The following DTNA variants were observed in gnomAD, a reference collection of about 807,000 sequenced individuals.
The protein encoded by DTNA is dystrophin-related protein 3.
A neutral mutation model predicts 100.7 loss-of-function variants in DTNA; 43 were observed. That is an observed-to-expected ratio of 0.43 (90% CI 0.33 to 0.55). The LOEUF (loss-of-function observed/expected upper bound fraction) is 0.55, where lower values mean the gene tolerates loss of function less well. Ranked by LOEUF, DTNA falls within the 20% of genes least tolerant of loss-of-function variation. The pLI, the probability that DTNA is intolerant of heterozygous loss-of-function variation, is 0.04. For synonymous variants in DTNA, 349 were observed against 347.9 expected, an observed-to-expected ratio of 1.00 and a Z score of -0.04; for missense variants, 798 against 953.9, an observed-to-expected ratio of 0.84 and a Z score of 2.15.
rs376851710 is a variant in DTNA, at chr18:34,879,625, C to T, written c.2068C>T (p.Pro690Ser). ...TCAGTTTGAGGATCTTGTTCCCTCA[C>T]CAACCTCTGAAAAGGCTTTTCTAGC... is the stretch of plus-strand genomic sequence containing the variant. ...RTQFEDLVPS[P>S]TSEKAFLAQI... Residue 690 changes from proline (P) to serine (S), a missense_variant, in exon 20 of 23, where the codon CCA (proline) becomes TCA (serine). Physicochemically the swap from Pro to Ser is moderately conservative, Grantham distance 74. Coordinates refer to ENST00000444659, the MANE Select transcript of DTNA (RefSeq NM_001386795.1). The T allele has an allele frequency of 2.5e-6, 4 of 1,613,940 alleles. No individual in the cohort carries two copies. The highest frequency in any genetic ancestry group is 1.6e-4 in the Middle Eastern group (1 of 6,084).
At chr18:34,514,273 G>A (rs1002592967) in intron 1 of DTNA, among the ~76,000 whole-genome samples, 2 of 152,040 alleles carry the variant, frequency 1.3e-5, no homozygotes, top group African/African-American at 2.4e-5. Flanking sequence ...AGTAGTTCAA[G>A]CTTTTAGCAT....
intron 1 of DTNA, among the ~76,000 whole-genome samples, chr18:34,627,084 G>C (rs915425190): frequency 6.6e-6 from 1 of 150,728 alleles, no homozygotes; most frequent in Non-Finnish European, 1.5e-5. Context: ...ATCACCACTA[G>C]AAGAAAAGAA....
intron 1 of DTNA, among the ~76,000 whole-genome samples, chr18:34,743,877 A>C (rs1026123807): frequency 6.6e-6 from 1 of 152,048 alleles, no homozygotes; most frequent in African/African-American, 2.4e-5. Flanking sequence ...TCATATTGGC[A>C]TCCTCCCACC....
At chr18:34,577,526 G>A (rs989265060) in intron 1 of DTNA, among the ~76,000 whole-genome samples, 1 of 152,118 alleles carries the variant, frequency 6.6e-6, no homozygotes, top group Admixed American at 6.5e-5. Flanking sequence ...GTAGTGATTT[G>A]TGAGATTTTG....
At chr18:34,555,471 G>A (rs1039327535) in intron 1 of DTNA, among the ~76,000 whole-genome samples, 12 of 151,866 alleles carry the variant, frequency 7.9e-5, no homozygotes, top group Non-Finnish European at 1.6e-4. Context: ...TGATGTTAGG[G>A]TGTCAATTTT....
At chr18:34,732,393 C>T (rs568816649) in intron 1 of DTNA, among the ~76,000 whole-genome samples, 19 of 152,322 alleles carry the variant, frequency 1.2e-4, no homozygotes, top group Admixed American at 3.9e-4. Context: ...GCCAAGACAG[C>T]GTGATCCAAA....
chr18:34,545,313 C>A (rs1176697875), intron 1 of DTNA, among the ~76,000 whole-genome samples: 11 of 152,038 alleles, frequency 7.2e-5, no homozygotes, highest in Non-Finnish European at 1.3e-4. Flanking sequence ...AAGGGAGGAA[C>A]CTCTGCTGGG....
chr18:34,808,499 A>AG (rs2095418308), intron 5 of DTNA, among the ~76,000 whole-genome samples: 3 of 152,246 alleles, frequency 2.0e-5, no homozygotes, highest in Admixed American at 6.5e-5. Context: ...TGTGCTCAGA[A>AG]GGGCCATCCC....
intron 3 of DTNA, among the ~76,000 whole-genome samples, chr18:34,783,635 A>T (rs1232704162): frequency 6.6e-6 from 1 of 152,226 alleles, no homozygotes; most frequent in Non-Finnish European, 1.5e-5. Context: ...GGTATAGCTC[A>T]TGCTCACTAA....
At chr18:34,654,028 G>T (rs1204280493) in intron 1 of DTNA, among the ~76,000 whole-genome samples, 1 of 152,182 alleles carries the variant, frequency 6.6e-6, no homozygotes, top group East Asian at 1.9e-4. Context: ...CCAACATTCA[G>T]AGTGTTCCTA....
chr18:34,704,072 A>T (rs1188279707), intron 1 of DTNA, among the ~76,000 whole-genome samples: 2 of 151,872 alleles, frequency 1.3e-5, no homozygotes, highest in African/African-American at 4.8e-5. Context: ...TTATTTTCTC[A>T]TATTCTTTTT....
intron 17 of DTNA, chr18:34,868,020 G>A: frequency 2.0e-6 from 2 of 984,588 alleles, no homozygotes; most frequent in Non-Finnish European, 2.4e-6. Context: ...AGGACCTGAG[G>A]CAGCTTACAA....
At chr18:34,681,600 A>G (rs2078112415) in intron 1 of DTNA, among the ~76,000 whole-genome samples, 1 of 151,922 alleles carries the variant, frequency 6.6e-6, no homozygotes, top group Non-Finnish European at 1.5e-5. Context: ...GCAGTGTGTC[A>G]TTTATTTATT....
chr18:34,551,099 A>G (rs2045359475), intron 1 of DTNA, among the ~76,000 whole-genome samples: 1 of 152,154 alleles, frequency 6.6e-6, no homozygotes, highest in South Asian at 2.1e-4. Flanking sequence ...TTTTGTCATC[A>G]CTATGAATAG....
rs139466746 is a variant in DTNA, at chr18:34,804,615, T to C, written c.363-1604T>C. Among the ~76,000 whole-genome samples, 543 of 152,272 alleles carry C rather than the reference T, an allele frequency of 3.6e-3. 1 individual carries two copies. Among genetic ancestry groups the C allele is most frequent in the Middle Eastern group, 0.017 (5 of 294 alleles). On this transcript the variant is annotated intron_variant, in intron 4 of 22. Coordinates refer to ENST00000444659, the MANE Select transcript of DTNA (RefSeq NM_001386795.1). ...CATTTTCAGGTAACTAGGTACATGG[T>C]GTTTCTAATAACCAGCAGAAGGACT...
intron 1 of DTNA, among the ~76,000 whole-genome samples, chr18:34,506,829 A>G (rs1380276629): frequency 1.3e-5 from 2 of 152,156 alleles, no homozygotes; most frequent in African/African-American, 2.4e-5. Context: ...TATTTAATAT[A>G]TAAAATACAG....
chr18:34,781,225 A>G (rs756347481), intron 3 of DTNA, among the ~76,000 whole-genome samples: 6 of 152,134 alleles, frequency 3.9e-5, no homozygotes, highest in Non-Finnish European at 5.9e-5. Context: ...CTTCATCACT[A>G]TTTTTCATGG....
chr18:34,495,172 C>T (rs1415523610), intron 1 of DTNA, among the ~76,000 whole-genome samples: 1 of 152,162 alleles, frequency 6.6e-6, no homozygotes, highest in Non-Finnish European at 1.5e-5. Context: ...CTATACTGAC[C>T]ACATCTTTCT....
chr18:34,866,413 G>C, intron 17 of DTNA: 1 of 1,319,974 alleles, frequency 7.6e-7, no homozygotes, highest in Non-Finnish European at 9.7e-7. Flanking sequence ...GATCCCCAGA[G>C]GTATAAGTTT....
Sources: gnomAD v4.1 joint callset for allele counts (sites outside exome capture counted in the v4.1 genomes callset) on GRCh38, gnomAD v4.1.1 for gene constraint, MANE v1.5 for transcripts, NCBI Gene and HGNC (gene_info 2026-07-23, HGNC 2026-07-21) for gene names.